Variants in GPHN observed in about 807,000 individuals in gnomAD.
The protein encoded by GPHN is gephyrin.
Under a neutral mutation model 95.5 loss-of-function variants are expected in GPHN, and 17 were observed. That is an observed-to-expected ratio of 0.18 (90% CI 0.12 to 0.27). The LOEUF (loss-of-function observed/expected upper bound fraction) is 0.27. Ranked by LOEUF, GPHN falls within the 10% of genes least tolerant of loss-of-function variation. The probability of loss-of-function intolerance (pLI) is 1.00; values close to 1 mark genes in which losing one functional copy is unlikely to be tolerated. For missense variants in GPHN, 660 were observed against 978.1 expected, an observed-to-expected ratio of 0.67 and a Z score of 4.34; for synonymous variants, 320 against 322.5, an observed-to-expected ratio of 0.99 and a Z score of 0.08.
At chr14:66,604,159 G>A (rs2062395749) in intron 1 of GPHN, among the ~76,000 whole-genome samples, 1 of 152,104 alleles carries the variant, frequency 6.6e-6, no homozygotes, top group South Asian at 2.1e-4. Context: ...ATGTGTCATA[G>A]AGTCCTTTGT....
At chr14:66,874,509 A>C (rs1290006744) in intron 4 of GPHN, among the ~76,000 whole-genome samples, 1 of 152,212 alleles carries the variant, frequency 6.6e-6, no homozygotes, top group Non-Finnish European at 1.5e-5. Context: ...AAGAACCTTG[A>C]AAAAAGGTTA....
intron 1 of GPHN, among the ~76,000 whole-genome samples, chr14:66,659,488 A>G (rs1395206314): frequency 2.0e-5 from 3 of 152,000 alleles, no homozygotes; most frequent in African/African-American, 7.2e-5. Context: ...TGTTGATTAT[A>G]TAACTAGTTC....
intron 2 of GPHN, among the ~76,000 whole-genome samples, chr14:66,762,135 G>T (rs2058780663): frequency 8.0e-6 from 1 of 124,778 alleles, no homozygotes; most frequent in Non-Finnish European, 1.5e-5. Flanking sequence ...CTTTTGAAAG[G>T]TTAAAAAAAA....
chr14:66,548,248 T>A (rs2059678909), intron 1 of GPHN, among the ~76,000 whole-genome samples: 1 of 150,598 alleles, frequency 6.6e-6, no homozygotes, highest in Non-Finnish European at 1.5e-5. Flanking sequence ...TGGCACGATC[T>A]CGGCTCACTG....
the GPHN span, among the ~76,000 whole-genome samples, chr14:67,714,143 G>A: frequency 6.6e-6 from 1 of 151,962 alleles, no homozygotes; most frequent in African/African-American, 2.4e-5. Flanking sequence ...TTAACTTCTT[G>A]CTTTACTTTT....
the GPHN span, chr14:67,577,375 C>T: frequency 1.3e-6 from 2 of 1,591,548 alleles, no homozygotes; most frequent in Admixed American, 1.7e-5. Context: ...CCACCCTGCC[C>T]TCTGAGGCCT....
chr14:66,657,189 G>A (rs1407581031), intron 1 of GPHN, among the ~76,000 whole-genome samples: 1 of 152,208 alleles, frequency 6.6e-6, no homozygotes, highest in Non-Finnish European at 1.5e-5. Flanking sequence ...ATTTTCTTCA[G>A]CCAAAACCTA....
chr14:67,703,622 G>A, the GPHN span, among the ~76,000 whole-genome samples: 1 of 152,116 alleles, frequency 6.6e-6, no homozygotes, highest in Admixed American at 6.6e-5. Context: ...TTTAAGATGT[G>A]CACAACAATG....
intron 2 of GPHN, among the ~76,000 whole-genome samples, chr14:66,696,859 A>G (rs185581977): frequency 1.6e-4 from 24 of 152,368 alleles, no homozygotes; most frequent in African/African-American, 5.8e-4. Context: ...TTTCCTTTTA[A>G]GAAATGTATG....
chr14:66,824,634 T>TA, intron 4 of GPHN, 68 bp downstream of exon 4: 1 of 718,580 alleles, frequency 1.4e-6, no homozygotes, highest in Non-Finnish European at 2.4e-6. Context: ...TCCTTTTTAC[T>TA]ATATTTATAT....
the GPHN span, chr14:67,562,372 G>T: frequency 2.7e-5 from 43 of 1,613,512 alleles, no homozygotes; most frequent in Middle Eastern, 1.6e-4. Flanking sequence ...TCCATTCTGG[G>T]GAAACAGTAG....
At chr14:66,839,246 C>A (rs570811808) in intron 4 of GPHN, among the ~76,000 whole-genome samples, 24 of 152,246 alleles carry the variant, frequency 1.6e-4, no homozygotes, top group African/African-American at 5.8e-4. Context: ...CCAAAGGCAA[C>A]AATGTGGAAG....
intron 1 of GPHN, among the ~76,000 whole-genome samples, chr14:66,667,502 A>C (rs2066036304): frequency 6.6e-6 from 1 of 152,204 alleles, no homozygotes; most frequent in African/African-American, 2.4e-5. Flanking sequence ...AAGACTGCAC[A>C]TGTACAACTA....
intron 18 of GPHN, among the ~76,000 whole-genome samples, chr14:67,147,843 T>A (rs956786360): frequency 2.6e-5 from 4 of 152,236 alleles, no homozygotes; most frequent in Admixed American, 2.0e-4. Flanking sequence ...TAGGGCAGAC[T>A]GAGTATCTCT....
intron 10 of GPHN, among the ~76,000 whole-genome samples, chr14:67,028,712 T>G (rs1194969598): frequency 2.6e-5 from 4 of 152,174 alleles, no homozygotes; most frequent in African/African-American, 9.7e-5. Flanking sequence ...TTAATGGAAT[T>G]ATTTGGGTTT....
chr14:67,702,728 G>A, the GPHN span, among the ~76,000 whole-genome samples: 1 of 152,110 alleles, frequency 6.6e-6, no homozygotes, highest in Non-Finnish European at 1.5e-5. Context: ...GTATCATGTA[G>A]ATACAACATA....
the GPHN span, among the ~76,000 whole-genome samples, chr14:67,519,113 C>T: frequency 6.6e-6 from 1 of 152,074 alleles, no homozygotes; most frequent in Non-Finnish European, 1.5e-5. Context: ...AATATGCCAG[C>T]ATTTGAAAAT....
At chr14:67,228,493 G>A in the GPHN span, 1 of 164,492 alleles carries the variant, frequency 6.1e-6, no homozygotes, top group South Asian at 2.0e-4. Flanking sequence ...CAGTGCAAGA[G>A]GAAAACCAAG....
Position 66,599,610 on chromosome 14 carries a change from C to T in GPHN, c.65-81497C>T, listed in dbSNP as rs146889477. 5.5e-4 allele frequency among the ~76,000 whole-genome samples: 84 copies of T among 151,526 alleles called. 2 individuals are homozygous for T. Among genetic ancestry groups the T allele is most frequent in the African/African-American group, 2.0e-3 (81 of 41,360 alleles). ...ATTGGTTGTTTTTGTTTTTGCCTTC[C>T]TGATATAAAAATTATATTGCTTGCA... On this transcript the variant is annotated intron_variant, in intron 1 of 22. Coordinates refer to ENST00000478722, the MANE Select transcript of GPHN (RefSeq NM_020806.5).
Sources: gnomAD v4.1 joint callset for allele counts (sites outside exome capture counted in the v4.1 genomes callset) on GRCh38, gnomAD v4.1.1 for gene constraint, MANE v1.5 for transcripts, NCBI Gene and HGNC (gene_info 2026-07-23, HGNC 2026-07-21) for gene names.